PITPNC1: variants seen among roughly 807,000 people sequenced by gnomAD.
PITPNC1 encodes phosphatidylinositol transfer protein cytoplasmic 1, also known as cytoplasmic phosphatidylinositol transfer protein 1.
PITPNC1 carries 18 observed loss-of-function variants against 44.7 expected under a neutral mutation model. That is an observed-to-expected ratio of 0.40 (90% CI 0.28 to 0.60). The LOEUF is 0.60. PITPNC1 is among the 20% of genes least tolerant of loss of function. The pLI is 0.39. For missense variants in PITPNC1, 290 were observed against 418.4 expected (o/e 0.69, Z 2.68); for synonymous variants, 141 against 149.6 (o/e 0.94, Z 0.42).
chr17:67,674,541 A>G (rs531715244), intron 7 of PITPNC1, among the ~76,000 whole-genome samples: 1 of 151,222 alleles, frequency 6.6e-6, no homozygotes, highest in South Asian at 2.1e-4. Context: ...ATGTCATCAG[A>G]AAAGAGGGAA....
intron 5 of PITPNC1, among the ~76,000 whole-genome samples, chr17:67,615,368 A>T (rs2041744084): frequency 6.6e-6 from 1 of 152,144 alleles, no homozygotes; most frequent in African/African-American, 2.4e-5. Context: ...CTGGAAGGAG[A>T]CACAAGCCCC....
At chr17:67,522,710 C>A (rs2040343330) in intron 1 of PITPNC1, among the ~76,000 whole-genome samples, 1 of 134,866 alleles carries the variant, frequency 7.4e-6, no homozygotes, top group Non-Finnish European at 1.5e-5. Flanking sequence ...CAGGCTGGAG[C>A]ACAGTGGTAT....
intron 5 of PITPNC1, among the ~76,000 whole-genome samples, chr17:67,599,026 ATATATATATTTTTTT>A (rs1370493292): frequency 1.5e-4 from 5 of 32,478 alleles, no homozygotes; most frequent in Admixed American, 6.7e-4. Context: ...ATATATATAT[ATATATATATTTTTTT>A]TTTTTTTTTT....
At chr17:67,378,962 G>GCTCGTC (rs1486377352) in intron 1 of PITPNC1, 2 of 985,030 alleles carry the variant, frequency 2.0e-6, no homozygotes, top group African/African-American at 3.5e-5. Context: ...CGGGGCGGGG[G>GCTCGTC]CTCGTCCTCC....
At chr17:67,472,440 G>T (rs1245614307) in intron 1 of PITPNC1, among the ~76,000 whole-genome samples, 2 of 149,352 alleles carry the variant, frequency 1.3e-5, no homozygotes, top group African/African-American at 4.9e-5. Context: ...GAGGTCAGGA[G>T]ATCGAGACCA....
At chr17:67,530,506 GCCTA>G (rs1239248883) in intron 1 of PITPNC1, among the ~76,000 whole-genome samples, 1 of 152,034 alleles carries the variant, frequency 6.6e-6, no homozygotes, top group Non-Finnish European at 1.5e-5. Flanking sequence ...TTGGATAAGG[GCCTA>G]CCCTAATGAC....
intron 6 of PITPNC1, among the ~76,000 whole-genome samples, chr17:67,661,806 G>A (rs939655743): frequency 2.4e-4 from 36 of 152,148 alleles, no homozygotes; most frequent in Non-Finnish European, 4.3e-4. Flanking sequence ...AGACCAGCCT[G>A]GCCAACATGG....
chr17:67,563,474 G>A (rs902874093), intron 4 of PITPNC1, among the ~76,000 whole-genome samples: 4 of 152,154 alleles, frequency 2.6e-5, no homozygotes, highest in African/African-American at 9.7e-5. Context: ...CCGTTGTAAA[G>A]TGCTGCTCTC....
chr17:67,609,113 C>T (rs2041653813), intron 5 of PITPNC1, among the ~76,000 whole-genome samples: 1 of 151,968 alleles, frequency 6.6e-6, no homozygotes, highest in Non-Finnish European at 1.5e-5. Context: ...CCTCCTGCCT[C>T]AGCCTCCCGA....
At chr17:67,442,050 C>A (rs2039019058) in intron 1 of PITPNC1, among the ~76,000 whole-genome samples, 1 of 151,692 alleles carries the variant, frequency 6.6e-6, no homozygotes, top group South Asian at 2.1e-4. Context: ...CACATTCTTT[C>A]ATTTCTGCCC....
At chr17:67,559,611 G>A (rs2144185992) in intron 4 of PITPNC1, among the ~76,000 whole-genome samples, 1 of 152,342 alleles carries the variant, frequency 6.6e-6, no homozygotes, top group East Asian at 1.9e-4. Flanking sequence ...GTAAGGCCAG[G>A]TGTGGTGGCT....
At chr17:67,629,303 C>T (rs1256965936) in intron 5 of PITPNC1, among the ~76,000 whole-genome samples, 1 of 125,848 alleles carries the variant, frequency 7.9e-6, no homozygotes, top group East Asian at 2.5e-4. Flanking sequence ...GACAGAGTCT[C>T]ACTCTGTCGA....
chr17:67,563,609 TC>T (rs1184096422), intron 4 of PITPNC1, among the ~76,000 whole-genome samples: 1 of 152,226 alleles, frequency 6.6e-6, no homozygotes, highest in East Asian at 1.9e-4. Context: ...TGGACAGGTC[TC>T]AGTGGCCATT....
At chr17:67,574,735 T>C (rs1296320652) in intron 4 of PITPNC1, among the ~76,000 whole-genome samples, 1 of 151,980 alleles carries the variant, frequency 6.6e-6, no homozygotes, top group Non-Finnish European at 1.5e-5. Context: ...TGATTTTAAC[T>C]CAAGACACCC....
In PITPNC1 at chr17:67,633,368, G is replaced by A. The variant is rs1347726927; in HGVS notation, c.462+1130G>A. ...TACGCAAATAAACCAGGCTCCCGAC[G>A]TGGTTCAGATTTCTTTTGCCTCCAC... On this transcript the variant is annotated intron_variant, in intron 6 of 8. Coordinates refer to ENST00000581322, the MANE Select transcript of PITPNC1 (RefSeq NM_012417.4). Among the ~76,000 whole-genome samples, 3 of 152,218 alleles carry A rather than the reference G, an allele frequency of 2.0e-5. 1 individual carries two copies. In the East Asian group the frequency reaches 5.8e-4, roughly 29 times the overall value.
intron 1 of PITPNC1, among the ~76,000 whole-genome samples, chr17:67,379,926 C>T (rs2037931504): frequency 6.6e-6 from 1 of 152,158 alleles, no homozygotes; most frequent in Non-Finnish European, 1.5e-5. Flanking sequence ...AGTTGGTTCC[C>T]TTTTCAGGCT....
At chr17:67,451,247 G>A (rs533206214) in intron 1 of PITPNC1, among the ~76,000 whole-genome samples, 1 of 152,082 alleles carries the variant, frequency 6.6e-6, no homozygotes, top group Non-Finnish European at 1.5e-5. Flanking sequence ...GACCAGGCTG[G>A]TCTCGATCTC....
chr17:67,482,346 TAGAG>T (rs778604162), intron 1 of PITPNC1, among the ~76,000 whole-genome samples: 1 of 152,234 alleles, frequency 6.6e-6, no homozygotes. Flanking sequence ...CCAAAAAGCA[TAGAG>T]AGTTTTTTTT....
chr17:67,513,006 A>G (rs1322672192), intron 1 of PITPNC1, among the ~76,000 whole-genome samples: 5 of 152,156 alleles, frequency 3.3e-5, no homozygotes, highest in African/African-American at 9.7e-5. Flanking sequence ...GGAGACAGAT[A>G]TAAAATAAAC....
Sources: gnomAD v4.1 joint callset for allele counts (sites outside exome capture counted in the v4.1 genomes callset) on GRCh38, gnomAD v4.1.1 for gene constraint, MANE v1.5 for transcripts, NCBI Gene and HGNC (gene_info 2026-07-23, HGNC 2026-07-21) for gene names.